Variants in CSMD1 observed in about 807,000 individuals in gnomAD.
CSMD1 encodes CUB and sushi domain-containing protein 1.
Under a neutral mutation model 417.5 loss-of-function variants are expected in CSMD1, and 213 were observed. The observed-to-expected ratio is 0.51, with a 90% CI of 0.46 to 0.57. CSMD1 has a LOEUF of 0.57. Ranked by LOEUF, CSMD1 falls within the 20% of genes least tolerant of loss-of-function variation. The probability of loss-of-function intolerance (pLI) is 0.00; values close to 1 mark genes in which losing one functional copy is unlikely to be tolerated. For synonymous variants in CSMD1, 2,862 were observed against 1,736.8 expected (o/e 1.65, Z -16.11); for missense variants, 6,923 against 4,529.7 (o/e 1.53, Z -15.17).
rs571658080 is a variant in CSMD1, at chr8:3,068,044, G to A, written c.7475-15397C>T. Reference sequence around the variant, plus strand: ...TAAAATAAAAAATATTTTATGGTTTGCCTTTTCCCTTATATTTCTATCCAA... The same window carrying A: ...TAAAATAAAAAATATTTTATGGTTTACCTTTTCCCTTATATTTCTATCCAA... On this transcript the variant is annotated intron_variant, in intron 49 of 69. Transcript: ENST00000635120. Among the ~76,000 whole-genome samples, 24 of 152,164 alleles carry A rather than the reference G, an allele frequency of 1.6e-4. No individual in the cohort carries two copies. In the South Asian group the frequency reaches 5.0e-3, roughly 32 times the overall value.
intron 5 of CSMD1, among the ~76,000 whole-genome samples, chr8:3,792,405 G>A (rs1266640946): frequency 6.6e-6 from 1 of 152,120 alleles, no homozygotes; most frequent in Non-Finnish European, 1.5e-5. Flanking sequence ...TCTTAACCAT[G>A]ACATATATAT....
At chr8:4,515,434 C>T (rs111570817) in intron 2 of CSMD1, among the ~76,000 whole-genome samples, 8 of 152,124 alleles carry the variant, frequency 5.3e-5, no homozygotes, top group African/African-American at 1.9e-4. Flanking sequence ...AAGTCAGGAA[C>T]GCTTTCAGAG....
At chr8:4,429,819 A>G (rs988510951) in intron 2 of CSMD1, among the ~76,000 whole-genome samples, 12 of 152,136 alleles carry the variant, frequency 7.9e-5, no homozygotes, top group Admixed American at 3.9e-4. Flanking sequence ...CATACCCAGG[A>G]TCTCATTGGC....
intron 49 of CSMD1, among the ~76,000 whole-genome samples, chr8:3,078,557 G>C (rs894782602): frequency 6.6e-6 from 1 of 152,166 alleles, no homozygotes; most frequent in Non-Finnish European, 1.5e-5. Context: ...GCAGACTATG[G>C]CCTGTGGGTC....
chr8:4,216,703 T>C (rs548473009), intron 3 of CSMD1, among the ~76,000 whole-genome samples: 2 of 152,180 alleles, frequency 1.3e-5, no homozygotes, highest in East Asian at 1.9e-4. Flanking sequence ...GCACCAGTCA[T>C]CTAGGAGGAG....
chr8:3,537,384 C>T (rs1798249080), intron 10 of CSMD1, among the ~76,000 whole-genome samples: 1 of 152,106 alleles, frequency 6.6e-6, no homozygotes, highest in Non-Finnish European at 1.5e-5. Flanking sequence ...TTTTATACAT[C>T]ATAAGTTATC....
chr8:3,540,250 A>T (rs1275189950), intron 10 of CSMD1, among the ~76,000 whole-genome samples: 1 of 152,202 alleles, frequency 6.6e-6, no homozygotes, highest in East Asian at 1.9e-4. Flanking sequence ...TTCCTGATTC[A>T]ACTTACTTGC....
Position 4,552,432 on chromosome 8 carries a change from G to T in CSMD1, c.302+84910C>A, listed in dbSNP as rs555270441. ...TTGCATCCATTCCCATCTCCTATTG[G>T]TTCAACAATGTGAAGGTGTAGAAAT... On this transcript the variant is annotated intron_variant, in intron 2 of 69. Coordinates refer to ENST00000635120, the MANE Select transcript of CSMD1 (RefSeq NM_033225.6). Among the ~76,000 whole-genome samples the T allele has an allele frequency of 3.9e-5, 6 of 151,990 alleles. No individual in the cohort carries two copies. The South Asian group carries it at 1.2e-3, about 32-fold the overall frequency.
chr8:4,059,731 A>G (rs1798874294), intron 3 of CSMD1, among the ~76,000 whole-genome samples: 1 of 152,140 alleles, frequency 6.6e-6, no homozygotes, highest in South Asian at 2.1e-4. Context: ...CACTCTCCCA[A>G]GACTAAACCA....
At chr8:3,723,473 C>A (rs1348907692) in intron 6 of CSMD1, among the ~76,000 whole-genome samples, 1 of 152,152 alleles carries the variant, frequency 6.6e-6, no homozygotes, top group South Asian at 2.1e-4. Flanking sequence ...ACCTTAGGAT[C>A]CTGTGTATTC....
intron 2 of CSMD1, among the ~76,000 whole-genome samples, chr8:4,587,301 C>A (rs1450454060): frequency 6.6e-6 from 1 of 152,120 alleles, no homozygotes; most frequent in Non-Finnish European, 1.5e-5. Flanking sequence ...TGTTCTTTTA[C>A]TCACTTTCTC....
intron 3 of CSMD1, among the ~76,000 whole-genome samples, chr8:4,049,027 C>G (rs908773940): frequency 6.6e-6 from 1 of 152,164 alleles, no homozygotes; most frequent in African/African-American, 2.4e-5. Context: ...CTTTTCAAGA[C>G]TCACCACCCA....
At chr8:4,694,370 G>C (rs1199439940) in intron 1 of CSMD1, among the ~76,000 whole-genome samples, 1 of 151,272 alleles carries the variant, frequency 6.6e-6, no homozygotes, top group Admixed American at 6.6e-5. Flanking sequence ...TTATTTTTTT[G>C]AGACGGAGTC....
chr8:4,022,704 A>T (rs1413879911), intron 4 of CSMD1, among the ~76,000 whole-genome samples: 2 of 152,158 alleles, frequency 1.3e-5, no homozygotes, highest in East Asian at 3.9e-4. Flanking sequence ...TGGGATATTG[A>T]AAAGCTGTGG....
At chr8:4,270,218 A>G (rs1804498405) in intron 3 of CSMD1, among the ~76,000 whole-genome samples, 3 of 152,174 alleles carry the variant, frequency 2.0e-5, no homozygotes, top group Admixed American at 2.0e-4. Flanking sequence ...TACGGTGCAA[A>G]TCACACCAGG....
At chr8:4,174,265 C>T (rs960974159) in intron 3 of CSMD1, among the ~76,000 whole-genome samples, 1 of 152,156 alleles carries the variant, frequency 6.6e-6, no homozygotes, top group Non-Finnish European at 1.5e-5. Context: ...GAATCTTCAG[C>T]AAGAATAGAG....
At chr8:4,387,327 CGTAA>C (rs965724687) in intron 3 of CSMD1, among the ~76,000 whole-genome samples, 6 of 151,428 alleles carry the variant, frequency 4.0e-5, no homozygotes, top group Non-Finnish European at 7.4e-5. Context: ...AACAATTTAC[CGTAA>C]GTGACAAATG....
intron 5 of CSMD1, among the ~76,000 whole-genome samples, chr8:3,956,983 G>C (rs1585031744): frequency 1.3e-5 from 2 of 152,178 alleles, no homozygotes; most frequent in South Asian, 4.2e-4. Flanking sequence ...TGTTTTTCTT[G>C]TGGGCCCTAA....
At chr8:4,354,784 T>C (rs564500614) in intron 3 of CSMD1, among the ~76,000 whole-genome samples, 1 of 150,552 alleles carries the variant, frequency 6.6e-6, no homozygotes, top group South Asian at 2.1e-4. Context: ...CCCAGAAAAA[T>C]GAAAGCAAAA....
Sources: gnomAD v4.1 joint callset for allele counts (sites outside exome capture counted in the v4.1 genomes callset) on GRCh38, gnomAD v4.1.1 for gene constraint, MANE v1.5 for transcripts, NCBI Gene and HGNC (gene_info 2026-07-23, HGNC 2026-07-21) for gene names.